Variants in ARHGAP15 observed in about 807,000 individuals in gnomAD.
The protein encoded by ARHGAP15 is rho GTPase-activating protein 15.
In ARHGAP15, 51 loss-of-function variants were observed where a neutral mutation model predicts 63.7. That is an observed-to-expected ratio of 0.80 (90% CI 0.64 to 1.01). The LOEUF is 1.01. Ranked by LOEUF, ARHGAP15 falls within the 50% of genes least tolerant of loss-of-function variation. The pLI is 0.00. For synonymous variants in ARHGAP15, 191 were observed against 193.8 expected (o/e 0.99, Z 0.12); for missense variants, 560 against 564.6 (o/e 0.99, Z 0.08).
intron 6 of ARHGAP15, among the ~76,000 whole-genome samples, chr2:143,291,497 T>C (rs1682399481): frequency 6.6e-6 from 1 of 151,674 alleles, no homozygotes; most frequent in Non-Finnish European, 1.5e-5. Context: ...AAAGCATATA[T>C]GATTGTTCAA....
At chr2:143,354,240 C>T (rs1685708348) in intron 6 of ARHGAP15, among the ~76,000 whole-genome samples, 1 of 152,132 alleles carries the variant, frequency 6.6e-6, no homozygotes, top group Non-Finnish European at 1.5e-5. Context: ...CTCCAAGGAA[C>T]CGCGTTCACC....
chr2:143,745,754 G>C (rs866515096), intron 13 of ARHGAP15, among the ~76,000 whole-genome samples: 1 of 152,182 alleles, frequency 6.6e-6, no homozygotes, highest in Non-Finnish European at 1.5e-5. Flanking sequence ...GTTACAGGAA[G>C]GAAAAGGTGT....
At chr2:143,298,828 GAGC>G (rs1443553419) in intron 6 of ARHGAP15, among the ~76,000 whole-genome samples, 1 of 142,810 alleles carries the variant, frequency 7.0e-6, no homozygotes, top group African/African-American at 3.0e-5. Flanking sequence ...CAAATAATAA[GAGC>G]AGACACTGTG....
At chr2:143,180,818 C>A (rs60312834) in intron 2 of ARHGAP15, among the ~76,000 whole-genome samples, 1 of 151,952 alleles carries the variant, frequency 6.6e-6, no homozygotes, top group Non-Finnish European at 1.5e-5. Flanking sequence ...GGACTACAGG[C>A]GCCCACCAAC....
At chr2:143,688,963 C>T (rs1683473375) in intron 12 of ARHGAP15, among the ~76,000 whole-genome samples, 1 of 152,072 alleles carries the variant, frequency 6.6e-6, no homozygotes, top group Non-Finnish European at 1.5e-5. Flanking sequence ...CTGTCATTTT[C>T]AATATTGAGG....
intron 3 of ARHGAP15, among the ~76,000 whole-genome samples, chr2:143,206,966 T>C (rs1190135968): frequency 6.6e-6 from 1 of 151,830 alleles, no homozygotes; most frequent in Non-Finnish European, 1.5e-5. Flanking sequence ...TATATGCACA[T>C]ATATTTTAAC....
intron 6 of ARHGAP15, among the ~76,000 whole-genome samples, chr2:143,315,069 CTATT>C (rs1683634959): frequency 6.6e-6 from 1 of 152,120 alleles, no homozygotes; most frequent in South Asian, 2.1e-4. Flanking sequence ...TTTAGGGAGC[CTATT>C]TAATCCTTCA....
At chr2:143,544,153 C>T (rs1053611885) in intron 10 of ARHGAP15, among the ~76,000 whole-genome samples, 3 of 152,096 alleles carry the variant, frequency 2.0e-5, no homozygotes, top group Non-Finnish European at 4.4e-5. Context: ...ATATTTCTGT[C>T]TCCAAATCTG....
intron 11 of ARHGAP15, among the ~76,000 whole-genome samples, chr2:143,613,135 G>T (rs888102824): frequency 3.3e-5 from 5 of 149,868 alleles, no homozygotes; most frequent in African/African-American, 9.7e-5. Context: ...GGAGATCAAA[G>T]AAAGATTGCA....
intron 6 of ARHGAP15, among the ~76,000 whole-genome samples, chr2:143,395,453 T>G (rs535735891): frequency 1.2e-4 from 18 of 152,282 alleles, no homozygotes; most frequent in African/African-American, 4.1e-4. Flanking sequence ...TAATTAAATA[T>G]TCACACATTT....
chr2:143,445,206 G>A (rs541049941), intron 8 of ARHGAP15, among the ~76,000 whole-genome samples: 1 of 116,596 alleles, frequency 8.6e-6, no homozygotes, highest in East Asian at 2.8e-4. Flanking sequence ...TGTCACACAG[G>A]CTTGAGTGCA....
chr2:143,690,672 G>A (rs1574845510), intron 12 of ARHGAP15, among the ~76,000 whole-genome samples: 2 of 151,972 alleles, frequency 1.3e-5, no homozygotes, highest in African/African-American at 4.8e-5. Flanking sequence ...CCACACCTTG[G>A]TTCTTTATAA....
At chr2:143,150,240 G>A (rs1689762992) in intron 1 of ARHGAP15, among the ~76,000 whole-genome samples, 1 of 151,956 alleles carries the variant, frequency 6.6e-6, no homozygotes, top group Admixed American at 6.6e-5. Context: ...TGATGTGAAA[G>A]AGATGTCAAA....
At chr2:143,446,107 T>G (rs1690126217) in intron 8 of ARHGAP15, among the ~76,000 whole-genome samples, 1 of 150,116 alleles carries the variant, frequency 6.7e-6, no homozygotes, top group East Asian at 1.9e-4. Context: ...ACAAGTTTCT[T>G]AAGTTTCTTG....
chr2:143,761,798 G>A (rs989630026), intron 13 of ARHGAP15, among the ~76,000 whole-genome samples: 6 of 151,902 alleles, frequency 3.9e-5, no homozygotes, highest in African/African-American at 1.5e-4. Context: ...TTAAGTTGAT[G>A]GATCATTGTT....
chr2:143,432,715 G>T (rs1689440941), intron 6 of ARHGAP15, among the ~76,000 whole-genome samples: 1 of 151,968 alleles, frequency 6.6e-6, no homozygotes, highest in African/African-American at 2.4e-5. Flanking sequence ...AAAAGTTCAA[G>T]ACAAATTTCC....
chr2:143,335,551 A>G (rs528124041), intron 6 of ARHGAP15, among the ~76,000 whole-genome samples: 1 of 152,278 alleles, frequency 6.6e-6, no homozygotes, highest in South Asian at 2.1e-4. Flanking sequence ...TATAAATATT[A>G]AATGTTTAAA....
intron 12 of ARHGAP15, among the ~76,000 whole-genome samples, chr2:143,681,156 A>G (rs1683083312): frequency 6.6e-6 from 1 of 152,182 alleles, no homozygotes; most frequent in African/African-American, 2.4e-5. Context: ...TCCAAACGCT[A>G]CAAGCTGCTA....
rs146582054 is a variant in ARHGAP15, at chr2:143,459,024, G to T, written c.703+21982G>T. Among the ~76,000 whole-genome samples the T allele has an allele frequency of 5.9e-5, 9 of 152,240 alleles. No individual in the cohort carries two copies. In the East Asian group the frequency reaches 1.4e-3, roughly 23 times the overall value. The stretch of plus-strand genomic sequence containing the variant: ...CATGCTCTCAAAAGGCATATTGCCA[G>T]CTGGTCTCAATGCTTGGAGGCATAG... On this transcript the variant is annotated intron_variant, in intron 8 of 13. Transcript: ENST00000295095.
Sources: gnomAD v4.1 joint callset for allele counts (sites outside exome capture counted in the v4.1 genomes callset) on GRCh38, gnomAD v4.1.1 for gene constraint, MANE v1.5 for transcripts, NCBI Gene and HGNC (gene_info 2026-07-23, HGNC 2026-07-21) for gene names.